Variants in USH2A observed in about 807,000 individuals in gnomAD.
The protein encoded by USH2A is Usher syndrome 2A (autosomal recessive, mild).
USH2A carries 443 observed loss-of-function variants against 538.9 expected under a neutral mutation model. The ratio of observed to expected loss-of-function variants is 0.82; its 90% CI spans 0.76 to 0.89. The LOEUF (loss-of-function observed/expected upper bound fraction) is 0.89. Among genes scored for constraint, USH2A ranks in the 40% least tolerant of loss-of-function variants. The pLI is 0.00. For missense variants in USH2A, 6,633 were observed against 6,324.8 expected (o/e 1.05, Z -1.65); for synonymous variants, 2,413 against 2,273.5 (o/e 1.06, Z -1.75).
At position 215,743,208 on chromosome 1, in the gene USH2A, C is replaced by T. The variant is rs758583044; in HGVS notation, c.11517G>A (p.Gln3839=). Residue 3839 remains glutamine, a synonymous_variant, in exon 59 of 72, where the codon CAG becomes CAA. Coordinates refer to ENST00000307340, the MANE Select transcript of USH2A (RefSeq NM_206933.4). ...TLLENLTPFT[Q]YEIRIQACQN... ...GACATGCTTGTATCCTTATCTCATA[C>T]TGTGTGAATGGAGTCAAATTTTCCA... 42 of 1,611,688 alleles carry T rather than the reference C, an allele frequency of 2.6e-5. No homozygotes were observed. Among genetic ancestry groups the T allele is most frequent in the Non-Finnish European group, 8.5e-7 (1 of 1,179,078 alleles).
At chr1:215,872,598 C>A (rs1664652459) in intron 43 of USH2A, among the ~76,000 whole-genome samples, 1 of 152,000 alleles carries the variant, frequency 6.6e-6, no homozygotes, top group African/African-American at 2.4e-5. Flanking sequence ...GGGAAAAAAA[C>A]CTCCTGTGAC....
At chr1:216,276,579 T>C (rs1221843594) in intron 11 of USH2A, among the ~76,000 whole-genome samples, 3 of 152,130 alleles carry the variant, frequency 2.0e-5, no homozygotes, top group Non-Finnish European at 4.4e-5. Flanking sequence ...AATAAGCCAG[T>C]GTACTCGTCT....
intron 62 of USH2A, among the ~76,000 whole-genome samples, chr1:215,676,309 A>G (rs2102667976): frequency 6.6e-6 from 1 of 152,308 alleles, no homozygotes; most frequent in South Asian, 2.1e-4. Flanking sequence ...TTCTGGAAAA[A>G]AACATCTGAA....
chr1:216,295,476 G>C (rs994084213), intron 9 of USH2A, among the ~76,000 whole-genome samples: 1 of 151,718 alleles, frequency 6.6e-6, no homozygotes, highest in Non-Finnish European at 1.5e-5. Context: ...GTAATTATAT[G>C]TATTTGTATT....
intron 21 of USH2A, among the ~76,000 whole-genome samples, chr1:216,126,283 G>C (rs559754765): frequency 3.3e-5 from 5 of 152,192 alleles, no homozygotes; most frequent in Admixed American, 3.3e-4. Context: ...GAGTGCAATG[G>C]CGGGATCTCA....
At chr1:216,197,851 G>A (rs1009604679) in intron 18 of USH2A, among the ~76,000 whole-genome samples, 1 of 151,960 alleles carries the variant, frequency 6.6e-6, no homozygotes, top group African/African-American at 2.4e-5. Flanking sequence ...TGATGTCCAC[G>A]ATTCTGTCAT....
At position 216,017,998 on chromosome 1, in the gene USH2A, A is replaced by ATAAAT. The variant is rs768892897; in HGVS notation, c.6326-17437_6326-17436insATTTA. Among the ~76,000 whole-genome samples, 1,397 of 152,296 alleles carry ATAAAT rather than the reference A, an allele frequency of 9.2e-3. 7 individuals carry two copies. Among genetic ancestry groups the ATAAAT allele is most frequent in the Non-Finnish European group, 0.013 (851 of 68,020 alleles). Reference sequence around the variant, plus strand: ...CATAGTCTCATGCTACCCTTAAGACACAAATCAAATGCCACACCCTATAAG... The same window carrying ATAAAT: ...CATAGTCTCATGCTACCCTTAAGACATAAATCAAATCAAATGCCACACCCTATAAG... On this transcript the variant is annotated intron_variant, in intron 32 of 71. Coordinates refer to ENST00000307340, the MANE Select transcript of USH2A (RefSeq NM_206933.4).
chr1:215,844,477 A>G lies in USH2A; in HGVS notation c.9075T>C (p.Pro3025=). Residue 3025 remains proline, a synonymous_variant, in exon 46 of 72, where the codon CCT becomes CCC. Coordinates refer to ENST00000307340, the MANE Select transcript of USH2A (RefSeq NM_206933.4). ...TCDGEPQGML[P]PEVVIINSTA... ...TACTGTTGATGATGACAACCTCTGG[A>G]GGAAGCATGCCCTGAGGCTCTAGAA... 1 of 1,610,644 alleles carries G rather than the reference A, an allele frequency of 6.2e-7. No homozygotes were observed. The highest frequency in any genetic ancestry group is 8.5e-7 in the Non-Finnish European group (1 of 1,179,810).
chr1:216,366,954 T>C (rs751578787), intron 3 of USH2A, among the ~76,000 whole-genome samples: 6 of 152,146 alleles, frequency 3.9e-5, no homozygotes, highest in Non-Finnish European at 7.4e-5. Context: ...ACTTTGTTAT[T>C]TGTAGCATTA....
chr1:216,400,251 G>A (rs1180781887), intron 3 of USH2A, among the ~76,000 whole-genome samples: 2 of 149,390 alleles, frequency 1.3e-5, no homozygotes, highest in Admixed American at 1.3e-4. Flanking sequence ...AGATCCAAAC[G>A]GAAACTAAAT....
rs558190685 is a variant in USH2A at position 216,223,153 on chromosome 1, T to C, written c.2994-5603A>G. Among the ~76,000 whole-genome samples the C allele has an allele frequency of 7.6e-4, 116 of 152,202 alleles. No individual in the cohort carries two copies. In the Middle Eastern group the frequency reaches 0.02, roughly 27 times the overall value. ...TATAAGATAATAAAAATTCATGTTG[T>C]TTTAAGCCACTGAGTTTGAGATAAT... On this transcript the variant is annotated intron_variant, in intron 14 of 71. Transcript: ENST00000307340.
At chr1:216,039,885 C>T (rs898155054) in intron 32 of USH2A, among the ~76,000 whole-genome samples, 6 of 151,882 alleles carry the variant, frequency 4.0e-5, no homozygotes, top group African/African-American at 1.2e-4. Context: ...TTCTCTTTGA[C>T]CTTGGCAAAT....
rs1307620050 is a variant in USH2A at position 215,625,583 on chromosome 1, CTCATT to C, written c.*193_*197del. 9.8e-6 allele frequency: 6 copies of C among 613,788 alleles called. No homozygotes were observed. Among genetic ancestry groups the C allele is most frequent in the African/African-American group, 5.6e-5 (3 of 53,942 alleles). 38.0% of individuals were successfully genotyped at this position (613,788 alleles called of 1,614,324 possible). A position where few individuals can be genotyped will look rare whatever the true frequency, so the allele number is the denominator to read the frequency against. The stretch of plus-strand genomic sequence containing the variant: ...AAGTATTTTCATATGAATATTCTCT[CTCATT>C]TAAGATGAGAAAAATATCATTTCTT... On this transcript the variant is annotated 3_prime_UTR_variant, in exon 72 of 72. Transcript: ENST00000307340.
At chr1:215,723,798 G>A (rs559122802) in intron 61 of USH2A, among the ~76,000 whole-genome samples, 1 of 152,228 alleles carries the variant, frequency 6.6e-6, no homozygotes, top group South Asian at 2.1e-4. Context: ...GTAGATCTAG[G>A]GAAGTACTTG....
chr1:215,733,621 C>G (rs1660070331), intron 60 of USH2A, among the ~76,000 whole-genome samples: 1 of 152,204 alleles, frequency 6.6e-6, no homozygotes, highest in Admixed American at 6.5e-5. Context: ...TTATTTACTT[C>G]CAAGATACAA....
At chr1:216,280,657 A>G (rs943082092) in intron 11 of USH2A, among the ~76,000 whole-genome samples, 1 of 152,086 alleles carries the variant, frequency 6.6e-6, no homozygotes, top group Non-Finnish European at 1.5e-5. Flanking sequence ...GACTCAGAGC[A>G]TTACTTTATG....
chr1:216,402,612 TAAC>T (rs926480882), intron 3 of USH2A, among the ~76,000 whole-genome samples: 1 of 152,164 alleles, frequency 6.6e-6, no homozygotes, highest in African/African-American at 2.4e-5. Flanking sequence ...ATAATTATCT[TAAC>T]AATGTTTTCT....
chr1:216,351,144 T>C (rs1183700218), intron 4 of USH2A, among the ~76,000 whole-genome samples: 1 of 151,920 alleles, frequency 6.6e-6, no homozygotes, highest in African/African-American at 2.4e-5. Flanking sequence ...GTAATGCAAA[T>C]AAAAAAAATC....
chr1:216,277,951 A>G (rs971661061), intron 11 of USH2A, among the ~76,000 whole-genome samples: 1 of 152,048 alleles, frequency 6.6e-6, no homozygotes, highest in Non-Finnish European at 1.5e-5. Flanking sequence ...ATGAGCAACA[A>G]ATGAGCCTGT....
Sources: allele counts gnomAD v4.1 joint callset (sites outside exome capture counted in the v4.1 genomes callset), GRCh38; gene constraint gnomAD v4.1.1; transcripts MANE v1.5; gene names NCBI Gene and HGNC (gene_info 2026-07-23, HGNC 2026-07-21).